Variants in SLC9A9 observed in about 807,000 individuals in gnomAD.
SLC9A9 encodes sodium/hydrogen exchanger 9.
A neutral mutation model predicts 77.8 loss-of-function variants in SLC9A9; 62 were observed. The ratio of observed to expected loss-of-function variants is 0.80; its 90% confidence interval spans 0.65 to 0.98. SLC9A9 has a LOEUF of 0.98. Among genes scored for constraint, SLC9A9 ranks in the 50% least tolerant of loss-of-function variants. The probability of loss-of-function intolerance (pLI) is 0.00; values close to 1 mark genes in which losing one functional copy is unlikely to be tolerated. For missense variants in SLC9A9, 775 were observed against 774.9 expected (o/e 1.00, Z 0.00); for synonymous variants, 320 against 283.5 (o/e 1.13, Z -1.29).
chr3:143,805,081 G>A (rs752010765), intron 2 of SLC9A9, among the ~76,000 whole-genome samples: 19 of 152,200 alleles, frequency 1.2e-4, no homozygotes, highest in African/African-American at 4.3e-4. Flanking sequence ...AACCAAGCAA[G>A]TAATTACGCT....
intron 5 of SLC9A9, among the ~76,000 whole-genome samples, chr3:143,672,571 C>A (rs62270564): frequency 6.6e-6 from 1 of 152,102 alleles, no homozygotes; most frequent in African/African-American, 2.4e-5. Context: ...TGAGAGACAG[C>A]CCAATTAAGT....
chr3:143,452,196 T>C (rs1054150340), intron 12 of SLC9A9, among the ~76,000 whole-genome samples: 4 of 152,112 alleles, frequency 2.6e-5, no homozygotes, highest in Non-Finnish European at 2.9e-5. Context: ...GGTAAAAATA[T>C]ACCTTTGCAA....
At chr3:143,598,536 C>T (rs2037795873) in intron 6 of SLC9A9, among the ~76,000 whole-genome samples, 1 of 152,214 alleles carries the variant, frequency 6.6e-6, no homozygotes. Flanking sequence ...CAGTGAATCA[C>T]TATTTACACT....
chr3:143,733,150 A>G (rs922416413), intron 4 of SLC9A9, among the ~76,000 whole-genome samples: 3 of 152,050 alleles, frequency 2.0e-5, no homozygotes, highest in African/African-American at 7.3e-5. Context: ...TTTATAATGG[A>G]CAAAGTTTAG....
At chr3:143,719,347 A>G (rs1054394123) in intron 4 of SLC9A9, among the ~76,000 whole-genome samples, 6 of 152,098 alleles carry the variant, frequency 3.9e-5, no homozygotes, top group Non-Finnish European at 8.8e-5. Flanking sequence ...TGATGATGAA[A>G]TCAATTGTAT....
At chr3:143,698,903 T>G (rs1446530562) in intron 4 of SLC9A9, among the ~76,000 whole-genome samples, 1 of 152,202 alleles carries the variant, frequency 6.6e-6, no homozygotes, top group East Asian at 1.9e-4. Flanking sequence ...TGCTCTGCAG[T>G]GGGAAAACCC....
rs558144597 is a variant in SLC9A9 at position 143,715,418 on chromosome 3, T to G, written c.534-22111A>C. Among the ~76,000 whole-genome samples the G allele has an allele frequency of 3.3e-5, 5 of 152,310 alleles. No homozygotes were observed. The East Asian group carries it at 9.7e-4, about 29-fold the overall frequency. ...CATTTTTTGCCTTACCCTGCCCACATAGTCTTCAAGCATCACTCTCTTAAG... is the reference window on the plus strand; with the variant it reads ...CATTTTTTGCCTTACCCTGCCCACAGAGTCTTCAAGCATCACTCTCTTAAG... On this transcript the variant is annotated intron_variant, in intron 4 of 15. Transcript: ENST00000316549.
chr3:143,740,153 A>G (rs943590419), intron 4 of SLC9A9, among the ~76,000 whole-genome samples: 3 of 152,196 alleles, frequency 2.0e-5, no homozygotes, highest in Admixed American at 6.5e-5. Flanking sequence ...GAAGTAGCAA[A>G]GTTATGGATT....
intron 7 of SLC9A9, among the ~76,000 whole-genome samples, chr3:143,576,830 C>A (rs2037367707): frequency 6.6e-6 from 1 of 152,118 alleles, no homozygotes; most frequent in Admixed American, 6.6e-5. Context: ...CTGGGTAGGT[C>A]ATTTTTTCTT....
At chr3:143,758,315 TAC>T (rs2006996546) in intron 4 of SLC9A9, among the ~76,000 whole-genome samples, 1 of 152,220 alleles carries the variant, frequency 6.6e-6, no homozygotes. Flanking sequence ...TATATAGTGT[TAC>T]ACTCAGCAAT....
chr3:143,709,603 A>C (rs939675960), intron 4 of SLC9A9, among the ~76,000 whole-genome samples: 1 of 152,194 alleles, frequency 6.6e-6, no homozygotes, highest in South Asian at 2.1e-4. Flanking sequence ...GAGCTGCCTG[A>C]GATGCAATTA....
chr3:143,653,435 G>A (rs2108749888), intron 5 of SLC9A9, among the ~76,000 whole-genome samples: 1 of 152,232 alleles, frequency 6.6e-6, no homozygotes, highest in Non-Finnish European at 1.5e-5. Flanking sequence ...GATATTGATG[G>A]CAAATGTCTA....
intron 6 of SLC9A9, among the ~76,000 whole-genome samples, chr3:143,632,236 C>A (rs1480180031): frequency 6.6e-6 from 1 of 152,076 alleles, no homozygotes; most frequent in Non-Finnish European, 1.5e-5. Flanking sequence ...AAATGATTGC[C>A]ATTTGGAGGC....
intron 4 of SLC9A9, among the ~76,000 whole-genome samples, chr3:143,742,874 G>T (rs1935106683): frequency 6.6e-6 from 1 of 152,140 alleles, no homozygotes; most frequent in Non-Finnish European, 1.5e-5. Context: ...TGTACTATGT[G>T]CTCAATTTTT....
intron 14 of SLC9A9, among the ~76,000 whole-genome samples, chr3:143,279,548 T>C (rs1938154640): frequency 6.6e-6 from 1 of 152,200 alleles, no homozygotes; most frequent in Non-Finnish European, 1.5e-5. Flanking sequence ...TTTCTCCTAA[T>C]GCTATCCCTC....
chr3:143,792,062 T>C (rs1343640676), intron 4 of SLC9A9, among the ~76,000 whole-genome samples: 1 of 152,244 alleles, frequency 6.6e-6, no homozygotes, highest in Non-Finnish European at 1.5e-5. Context: ...TGTGTTACTC[T>C]TTTTAAACCT....
At chr3:143,845,358 A>C (rs1184170988) in intron 1 of SLC9A9, among the ~76,000 whole-genome samples, 1 of 152,224 alleles carries the variant, frequency 6.6e-6, no homozygotes, top group African/African-American at 2.4e-5. Context: ...TGTTTACTAC[A>C]GTATCCCATC....
chr3:143,311,874 TC>T (rs2031032265), intron 14 of SLC9A9, among the ~76,000 whole-genome samples: 3 of 152,248 alleles, frequency 2.0e-5, no homozygotes, highest in South Asian at 2.1e-4. Flanking sequence ...TATTTTAGTT[TC>T]TCTGAGAACT....
At chr3:143,652,209 A>G (rs1251065654) in intron 6 of SLC9A9, 46 bp downstream of exon 6, 1 of 1,410,534 alleles carries the variant, frequency 7.1e-7, no homozygotes. Context: ...AAGTGAAAGC[A>G]TATTTCACAT....
Sources: gnomAD v4.1 joint callset for allele counts (sites outside exome capture counted in the v4.1 genomes callset) on GRCh38, gnomAD v4.1.1 for gene constraint, MANE v1.5 for transcripts, NCBI Gene and HGNC (gene_info 2026-07-23, HGNC 2026-07-21) for gene names.